Variants in ENTREP2 observed in about 807,000 individuals in gnomAD.
ENTREP2 encodes protein ENTREP2.
chr15:29,392,859 A>T, the ENTREP2 span, among the ~76,000 whole-genome samples: 244 of 152,302 alleles, frequency 1.6e-3, 1 homozygote, highest in African/African-American at 5.6e-3. Flanking sequence ...CACACATGTC[A>T]TTCATGACTT....
At chr15:29,269,766 G>A in the ENTREP2 span, 1 of 1,392,076 alleles carries the variant, frequency 7.2e-7, no homozygotes, top group South Asian at 1.6e-5. Context: ...CGGGGATTGC[G>A]GGTCGGCGAC....
chr15:29,620,908 C>A, the ENTREP2 span, among the ~76,000 whole-genome samples: 1 of 152,072 alleles, frequency 6.6e-6, no homozygotes, highest in African/African-American at 2.4e-5. Flanking sequence ...TTGTTAGAAG[C>A]TGAGAATAAA....
the ENTREP2 span, among the ~76,000 whole-genome samples, chr15:29,419,363 G>A: frequency 6.6e-6 from 1 of 152,026 alleles, no homozygotes; most frequent in Non-Finnish European, 1.5e-5. Flanking sequence ...CAACAGATGG[G>A]TTTAACAGCA....
At chr15:29,282,230 G>T in the ENTREP2 span, among the ~76,000 whole-genome samples, 1 of 152,112 alleles carries the variant, frequency 6.6e-6, no homozygotes, top group Admixed American at 6.5e-5. Context: ...TTCTCATGCT[G>T]ATGAGTAAGT....
the ENTREP2 span, among the ~76,000 whole-genome samples, chr15:29,649,287 T>C: frequency 3.3e-5 from 5 of 152,134 alleles, no homozygotes; most frequent in East Asian, 1.9e-4. Flanking sequence ...TGGGAGTGCA[T>C]TGGCAGATAT....
chr15:29,177,416 T>C, the ENTREP2 span, among the ~76,000 whole-genome samples: 1 of 152,342 alleles, frequency 6.6e-6, no homozygotes, highest in African/African-American at 2.4e-5. Context: ...TTGGTGGTTG[T>C]TTTCTTGCTT....
the ENTREP2 span, among the ~76,000 whole-genome samples, chr15:29,227,400 C>T: frequency 8.5e-4 from 130 of 152,226 alleles, 2 homozygotes; most frequent in East Asian, 1.2e-3. Context: ...GTCTTAAAGG[C>T]GCCTGGAGTT....
chr15:29,290,923 T>A, the ENTREP2 span, among the ~76,000 whole-genome samples: 2 of 152,186 alleles, frequency 1.3e-5, no homozygotes, highest in African/African-American at 2.4e-5. Flanking sequence ...TAATCCCAAG[T>A]GACTTAATCC....
chr15:29,362,367 CT>C, the ENTREP2 span, among the ~76,000 whole-genome samples: 1,555 of 91,474 alleles, frequency 0.017, 2 homozygotes, highest in African/African-American at 0.044. Context: ...TGTTTTTAAT[CT>C]TTTTTTTTTT....
chr15:29,378,474 G>T, the ENTREP2 span, among the ~76,000 whole-genome samples: 1 of 152,312 alleles, frequency 6.6e-6, no homozygotes, highest in South Asian at 2.1e-4. Context: ...TATTTTTGTA[G>T]ATGAGATTAA....
the ENTREP2 span, among the ~76,000 whole-genome samples, chr15:29,296,259 C>A: frequency 6.6e-6 from 1 of 151,972 alleles, no homozygotes; most frequent in South Asian, 2.1e-4. Context: ...ATGATGGTGG[C>A]TTGGATGAGG....
At chr15:29,604,476 G>A in the ENTREP2 span, among the ~76,000 whole-genome samples, 256 of 152,178 alleles carry the variant, frequency 1.7e-3, no homozygotes, top group Middle Eastern at 3.4e-3. Flanking sequence ...TAATTTCTAC[G>A]TAGATACCAT....
the ENTREP2 span, among the ~76,000 whole-genome samples, chr15:29,479,325 C>T: frequency 6.6e-6 from 1 of 152,058 alleles, no homozygotes; most frequent in South Asian, 2.1e-4. Flanking sequence ...CTGAGGCCTC[C>T]CCAGAAGCAG....
chr15:29,404,022 C>T, the ENTREP2 span, among the ~76,000 whole-genome samples: 1 of 152,164 alleles, frequency 6.6e-6, no homozygotes, highest in African/African-American at 2.4e-5. Flanking sequence ...CTGCTCACAC[C>T]AGGCAGCGCC....
chr15:29,139,032 G>A, the ENTREP2 span, among the ~76,000 whole-genome samples: 1,065 of 152,220 alleles, frequency 7.0e-3, 17 homozygotes, highest in African/African-American at 0.024. Flanking sequence ...CTGGGGAGCA[G>A]GGGGACTGGA....
the ENTREP2 span, among the ~76,000 whole-genome samples, chr15:29,581,539 A>G: frequency 3.9e-5 from 6 of 152,296 alleles, no homozygotes; most frequent in East Asian, 9.6e-4. Flanking sequence ...TGGCCCAGCA[A>G]AGTTGACACA....
At chr15:29,200,947 G>A in the ENTREP2 span, among the ~76,000 whole-genome samples, 5 of 152,080 alleles carry the variant, frequency 3.3e-5, no homozygotes, top group Non-Finnish European at 7.4e-5. Flanking sequence ...CATTGTTAAC[G>A]CAGTTTTCAG....
chr15:29,514,778 A>C, the ENTREP2 span, among the ~76,000 whole-genome samples: 1 of 152,192 alleles, frequency 6.6e-6, no homozygotes, highest in African/African-American at 2.4e-5. Context: ...ATTTCTTCAA[A>C]GCACAGGGCT....
chr15:29,140,134 C>T, the ENTREP2 span, among the ~76,000 whole-genome samples: 1 of 152,214 alleles, frequency 6.6e-6, no homozygotes, highest in South Asian at 2.1e-4. Context: ...AAGCTCAGCA[C>T]CCTCTTCTGT....
Sources: allele counts gnomAD v4.1 joint callset (sites outside exome capture counted in the v4.1 genomes callset), GRCh38; gene constraint gnomAD v4.1.1; transcripts MANE v1.5; gene names NCBI Gene and HGNC (gene_info 2026-07-23, HGNC 2026-07-21).